The following PKN2 variants were observed in gnomAD, a reference collection of about 807,000 sequenced individuals.
PKN2 encodes serine/threonine-protein kinase N2.
PKN2 carries 38 observed loss-of-function variants against 119.1 expected under a neutral mutation model. The observed-to-expected ratio is 0.32, with a 90% confidence interval of 0.25 to 0.42. The LOEUF is 0.42. Ranked by LOEUF, PKN2 falls within the 10% of genes least tolerant of loss-of-function variation. PKN2 has a pLI of 1.00. For synonymous variants in PKN2, 390 were observed against 384.9 expected (o/e 1.01, Z -0.15); for missense variants, 850 against 1,165.1 (o/e 0.73, Z 3.94).
chr1:88,717,788 A>G (rs1313977647), intron 1 of PKN2, among the ~76,000 whole-genome samples: 3 of 151,988 alleles, frequency 2.0e-5, no homozygotes, highest in Non-Finnish European at 4.4e-5. Flanking sequence ...TCCGAAGCCT[A>G]CTTCTGTCAA....
chr1:88,818,937 C>A (rs1054104441), intron 16 of PKN2, among the ~76,000 whole-genome samples: 1 of 151,708 alleles, frequency 6.6e-6, no homozygotes, highest in Non-Finnish European at 1.5e-5. Context: ...GGAAAGAATT[C>A]CCTATTTAAT....
intron 2 of PKN2, among the ~76,000 whole-genome samples, chr1:88,759,709 T>G (rs991981972): frequency 2.0e-5 from 3 of 152,166 alleles, no homozygotes; most frequent in Admixed American, 6.5e-5. Context: ...TTACTTTTGT[T>G]GCAATTGCTT....
At chr1:88,776,454 G>A (rs1670109081) in intron 6 of PKN2, among the ~76,000 whole-genome samples, 1 of 151,136 alleles carries the variant, frequency 6.6e-6, no homozygotes, top group Non-Finnish European at 1.5e-5. Context: ...TTAAAAAAAT[G>A]TCCAACTAGG....
chr1:88,685,427 A>G (rs1031142851), intron 1 of PKN2, among the ~76,000 whole-genome samples: 8 of 152,168 alleles, frequency 5.3e-5, no homozygotes, highest in Non-Finnish European at 1.0e-4. Flanking sequence ...GACTAAGGGA[A>G]AACATTGGGC....
rs1570704087 is a variant in PKN2 at position 88,834,981 on chromosome 1, G to C, written c.*1533G>C. 6.6e-6 allele frequency: 1 copy of C among 152,448 alleles called. No homozygotes were observed. The highest frequency in any genetic ancestry group is 2.1e-4 in the South Asian group (1 of 4,832). The allele number at this position is 152,448 out of a possible 1,614,324, so 9.4% of individuals were successfully genotyped here. On this transcript the variant is annotated 3_prime_UTR_variant, in exon 22 of 22. Coordinates refer to ENST00000370521, the MANE Select transcript of PKN2 (RefSeq NM_006256.4). ...ATACTGAATTAACTATTTAATTACA[G>C]TGAGCTCATCTCTTAAAAATTGTTC...
chr1:88,832,725 T>C lies in PKN2; in HGVS notation c.2563-19T>C. ...TGCCTTAAAACTTGCTTTAACTTAC[T>C]CAAAGGTATTTCTTCTAGTCTCCCT... On this transcript the variant is annotated intron_variant, in intron 19 of 21. Transcript: ENST00000370521. The C allele has an allele frequency of 7.0e-7, 1 of 1,430,364 alleles. No individual in the cohort carries two copies. Among genetic ancestry groups the C allele is most frequent in the Non-Finnish European group, 9.7e-7 (1 of 1,025,710 alleles). 88.6% of individuals were successfully genotyped at this position (1,430,364 alleles called of 1,614,324 possible). A position where few individuals can be genotyped will look rare whatever the true frequency, so the allele number is the denominator to read the frequency against.
At chr1:88,788,229 A>G (rs1670663269) in intron 8 of PKN2, among the ~76,000 whole-genome samples, 1 of 152,196 alleles carries the variant, frequency 6.6e-6, no homozygotes, top group African/African-American at 2.4e-5. Flanking sequence ...GAAAAATTCA[A>G]ATTATGTTCT....
intron 8 of PKN2, among the ~76,000 whole-genome samples, chr1:88,793,661 C>T (rs1670938248): frequency 6.6e-6 from 1 of 152,154 alleles, no homozygotes; most frequent in South Asian, 2.1e-4. Flanking sequence ...AGGACTCCCT[C>T]TCCCTGTACC....
intron 7 of PKN2, among the ~76,000 whole-genome samples, chr1:88,785,111 CCTT>C (rs898803340): frequency 2.2e-4 from 34 of 152,160 alleles, no homozygotes; most frequent in African/African-American, 6.5e-4. Flanking sequence ...TGAGACTGGT[CCTT>C]CTTGTAGAAT....
intron 12 of PKN2, among the ~76,000 whole-genome samples, chr1:88,807,101 T>A (rs61701525): frequency 0.072 from 10,916 of 151,994 alleles, 839 homozygotes; most frequent in African/African-American, 0.19. Flanking sequence ...GGATTGCTTG[T>A]GGCTGGGAAT....
chr1:88,813,855 AC>A (rs1240306574), intron 16 of PKN2, 122 bp downstream of exon 16: 2 of 706,794 alleles, frequency 2.8e-6, no homozygotes, highest in African/African-American at 3.7e-5. Context: ...TGCAAGAAAT[AC>A]TAGAACTCCT....
chr1:88,696,638 C>A (rs873734), intron 1 of PKN2, among the ~76,000 whole-genome samples: 11,459 of 152,106 alleles, frequency 0.075, 905 homozygotes, highest in African/African-American at 0.2. Flanking sequence ...GAACATGTGT[C>A]CCTGATCCAG....
chr1:88,801,866 C>A (rs960485002), intron 8 of PKN2, among the ~76,000 whole-genome samples: 11 of 152,198 alleles, frequency 7.2e-5, no homozygotes, highest in African/African-American at 2.7e-4. Context: ...ACTGCTGTGT[C>A]CTGCATCCAT....
At chr1:88,693,779 T>C (rs6685968) in intron 1 of PKN2, among the ~76,000 whole-genome samples, 15,428 of 152,234 alleles carry the variant, frequency 0.1, 1,512 homozygotes, top group African/African-American at 0.26. Flanking sequence ...CACATTGTTT[T>C]TCTTAAAGTC....
chr1:88,832,404 T>G (rs531566158), intron 19 of PKN2, among the ~76,000 whole-genome samples: 147 of 152,108 alleles, frequency 9.7e-4, no homozygotes, highest in Admixed American at 1.6e-3. Flanking sequence ...AATAGGTGAT[T>G]GAGTGAATGA....
Position 88,792,194 on chromosome 1 carries a change from C to T in PKN2, c.1281+5981C>T, listed in dbSNP as rs576497419. 9.9e-4 allele frequency among the ~76,000 whole-genome samples: 151 copies of T among 152,146 alleles called. 1 individual carries two copies. The highest frequency in any genetic ancestry group is 3.4e-3 in the Middle Eastern group (1 of 294). On this transcript the variant is annotated intron_variant, in intron 8 of 21. Transcript: ENST00000370521. The stretch of plus-strand genomic sequence containing the variant: ...CCGAGGCGGGCGGATCACCTGAGGT[C>T]GGGAGTTCAAGACCAGCCTGACCAA...
At chr1:88,740,961 A>G in intron 1 of PKN2, 27 bp from the exon 2 acceptor site, 1 of 1,502,784 alleles carries the variant, frequency 6.7e-7, no homozygotes, top group South Asian at 1.4e-5. Context: ...CTAAACTCCC[A>G]CATTTGTATG....
chr1:88,690,739 A>G (rs1361356564), intron 1 of PKN2, among the ~76,000 whole-genome samples: 1 of 152,156 alleles, frequency 6.6e-6, no homozygotes, highest in Non-Finnish European at 1.5e-5. Flanking sequence ...TTTGTGTAAC[A>G]TTATATACAT....
chr1:88,833,013 A>G, intron 20 of PKN2, 64 bp from the exon 21 acceptor site: 2 of 1,434,776 alleles, frequency 1.4e-6, no homozygotes, highest in Non-Finnish European at 1.9e-6. Flanking sequence ...TAAAGTAATA[A>G]TCCTTATCAG....
Sources: gnomAD v4.1 joint callset for allele counts (sites outside exome capture counted in the v4.1 genomes callset) on GRCh38, gnomAD v4.1.1 for gene constraint, MANE v1.5 for transcripts, NCBI Gene and HGNC (gene_info 2026-07-23, HGNC 2026-07-21) for gene names.